PRELID2: variants seen among roughly 807,000 people sequenced by gnomAD.
PRELID2 encodes the protein PRELI domain-containing protein 2.
A neutral mutation model predicts 28.4 loss-of-function variants in PRELID2; 25 were observed. That is an observed-to-expected ratio of 0.88 (90% CI 0.64 to 1.23). The LOEUF is 1.23. Ranked by LOEUF, PRELID2 falls within the 50% of genes most tolerant of loss-of-function variation. The pLI is 0.00. For missense variants in PRELID2, 201 were observed against 214.4 expected (o/e 0.94, Z 0.39); for synonymous variants, 76 against 71.6 (o/e 1.06, Z -0.31).
intron 1 of PRELID2, among the ~76,000 whole-genome samples, chr5:145,830,965 G>C (rs1257724850): frequency 6.6e-6 from 1 of 152,138 alleles, no homozygotes; most frequent in Non-Finnish European, 1.5e-5. Flanking sequence ...TGCTAAAGCA[G>C]CTTCAAACAT....
chr5:145,362,985 C>T, the PRELID2 span, among the ~76,000 whole-genome samples: 8 of 151,830 alleles, frequency 5.3e-5, no homozygotes, highest in Non-Finnish European at 1.2e-4. Context: ...AATCTTTAGA[C>T]CTTACACTTG....
chr5:145,270,989 G>A, the PRELID2 span, among the ~76,000 whole-genome samples: 1 of 152,140 alleles, frequency 6.6e-6, no homozygotes, highest in South Asian at 2.1e-4. Context: ...GGGGAAGCAA[G>A]GATCTTCTTC....
intron 1 of PRELID2, among the ~76,000 whole-genome samples, chr5:145,605,156 T>C (rs1322697916): frequency 3.3e-5 from 5 of 151,962 alleles, no homozygotes; most frequent in Non-Finnish European, 7.4e-5. Flanking sequence ...TCTTTTGCTG[T>C]GCAGAAGCCC....
chr5:145,741,859 A>AT (rs368563347), intron 1 of PRELID2, among the ~76,000 whole-genome samples: 100,499 of 122,172 alleles, frequency 0.82, 41,829 homozygotes, highest in East Asian at 0.88. Flanking sequence ...CATTTTTATA[A>AT]TTTAATTTAA....
chr5:145,603,726 A>C (rs1478876403), intron 1 of PRELID2, among the ~76,000 whole-genome samples: 1 of 152,166 alleles, frequency 6.6e-6, no homozygotes, highest in Non-Finnish European at 1.5e-5. Flanking sequence ...ACCTATACAC[A>C]CACGTTAGCA....
At chr5:145,667,915 A>G (rs1754627333) in intron 1 of PRELID2, among the ~76,000 whole-genome samples, 1 of 152,108 alleles carries the variant, frequency 6.6e-6, no homozygotes, top group South Asian at 2.1e-4. Context: ...AGAAAGCACA[A>G]TTCTAGAAGT....
At chr5:145,266,265 TA>T in the PRELID2 span, among the ~76,000 whole-genome samples, 1 of 151,558 alleles carries the variant, frequency 6.6e-6, no homozygotes. Flanking sequence ...GGATAATCCT[TA>T]AAAATTTCCC....
intron 1 of PRELID2, among the ~76,000 whole-genome samples, chr5:145,534,129 T>C (rs545288235): frequency 1.3e-5 from 2 of 152,164 alleles, no homozygotes; most frequent in East Asian, 3.9e-4. Flanking sequence ...AGTTATATAG[T>C]TAGAAAACAA....
intron 5 of PRELID2, among the ~76,000 whole-genome samples, chr5:145,790,413 T>TA (rs887833453): frequency 6.6e-6 from 1 of 152,012 alleles, no homozygotes; most frequent in Non-Finnish European, 1.5e-5. Flanking sequence ...ACCTCATATG[T>TA]AAAATCTAAA....
chr5:145,321,565 T>TA, the PRELID2 span, among the ~76,000 whole-genome samples: 2 of 152,216 alleles, frequency 1.3e-5, no homozygotes, highest in African/African-American at 4.8e-5. Flanking sequence ...AGACGCCCCT[T>TA]AAAAATGCTT....
At chr5:145,379,553 A>G in the PRELID2 span, among the ~76,000 whole-genome samples, 1 of 152,160 alleles carries the variant, frequency 6.6e-6, no homozygotes, top group East Asian at 1.9e-4. Flanking sequence ...TTCTCTGTGC[A>G]ATGTTAACAC....
chr5:145,664,003 T>C (rs1480627738), intron 1 of PRELID2, among the ~76,000 whole-genome samples: 1 of 152,152 alleles, frequency 6.6e-6, no homozygotes, highest in African/African-American at 2.4e-5. Context: ...AGAAATTAGA[T>C]AGATGTGTCA....
At chr5:145,616,434 G>A (rs149753921) in intron 1 of PRELID2, among the ~76,000 whole-genome samples, 1,786 of 152,244 alleles carry the variant, frequency 0.012, 44 homozygotes, top group African/African-American at 0.041. Context: ...ATTCACCCCC[G>A]ATATTTCACG....
chr5:145,673,639 T>C (rs1754755451), intron 1 of PRELID2, among the ~76,000 whole-genome samples: 1 of 151,812 alleles, frequency 6.6e-6, no homozygotes, highest in Non-Finnish European at 1.5e-5. Context: ...ATAATAAATC[T>C]ATAAAAAAAA....
At chr5:145,815,517 T>C (rs947467265) in intron 4 of PRELID2, among the ~76,000 whole-genome samples, 1 of 152,168 alleles carries the variant, frequency 6.6e-6, no homozygotes, top group Non-Finnish European at 1.5e-5. Context: ...CCAGGACATT[T>C]TCATCACCCC....
At chr5:145,299,127 T>C in the PRELID2 span, among the ~76,000 whole-genome samples, 17 of 152,248 alleles carry the variant, frequency 1.1e-4, no homozygotes, top group Non-Finnish European at 2.2e-4. Flanking sequence ...TCAAAACCCA[T>C]TTTGTTATAC....
chr5:145,832,523 T>C (rs1755661003), intron 1 of PRELID2, among the ~76,000 whole-genome samples: 1 of 152,048 alleles, frequency 6.6e-6, no homozygotes, highest in South Asian at 2.1e-4. Flanking sequence ...ACCTCAATAA[T>C]CGTTGAAGTG....
intron 1 of PRELID2, among the ~76,000 whole-genome samples, chr5:145,548,775 G>A (rs934816152): frequency 2.6e-5 from 4 of 152,140 alleles, no homozygotes; most frequent in Non-Finnish European, 5.9e-5. Flanking sequence ...CCTCAGTGGG[G>A]AAGTCAGAGA....
the PRELID2 span, among the ~76,000 whole-genome samples, chr5:145,350,212 C>T: frequency 6.6e-6 from 1 of 152,184 alleles, no homozygotes; most frequent in African/African-American, 2.4e-5. Context: ...GTTTCTCAAT[C>T]ATAATAGTCT....
Sources: allele counts gnomAD v4.1 joint callset (sites outside exome capture counted in the v4.1 genomes callset), GRCh38; gene constraint gnomAD v4.1.1; transcripts MANE v1.5; gene names NCBI Gene and HGNC (gene_info 2026-07-23, HGNC 2026-07-21).